Variants in SIK3 observed in about 807,000 individuals in gnomAD.
The protein encoded by SIK3 is SIK family kinase 3.
In SIK3, 28 loss-of-function variants were observed where a neutral mutation model predicts 144.2. That is an observed-to-expected ratio of 0.19 (90% CI 0.14 to 0.27). The LOEUF (loss-of-function observed/expected upper bound fraction) is 0.27, where lower values mean the gene tolerates loss of function less well. Among genes scored for constraint, SIK3 ranks in the 10% least tolerant of loss-of-function variants. SIK3 has a pLI of 1.00. For missense variants in SIK3, 1,319 were observed against 1,776.0 expected (o/e 0.74, Z 4.62); for synonymous variants, 686 against 676.3 (o/e 1.01, Z -0.22).
chr11:116,975,598 T>C (rs79857455), intron 1 of SIK3, among the ~76,000 whole-genome samples: 4,322 of 152,322 alleles, frequency 0.028, 188 homozygotes, highest in African/African-American at 0.099. Context: ...TAATTTTAAT[T>C]ATCCATTCTT....
intron 1 of SIK3, among the ~76,000 whole-genome samples, chr11:117,048,643 C>T (rs779795858): frequency 1.7e-4 from 26 of 151,488 alleles, no homozygotes; most frequent in African/African-American, 4.6e-4. Flanking sequence ...GCAATAAGAG[C>T]GAAACTCCGT....
At chr11:116,979,868 A>G (rs550827747) in intron 1 of SIK3, among the ~76,000 whole-genome samples, 28 of 150,830 alleles carry the variant, frequency 1.9e-4, no homozygotes, top group African/African-American at 6.8e-4. Flanking sequence ...GAAAAAAAAG[A>G]GAGAGAGAGA....
intron 1 of SIK3, among the ~76,000 whole-genome samples, chr11:116,987,492 C>T (rs969667939): frequency 6.6e-6 from 1 of 152,090 alleles, no homozygotes; most frequent in African/African-American, 2.4e-5. Flanking sequence ...AGTATTCTGA[C>T]ATCAGTAAAC....
chr11:117,051,655 A>T (rs556412672), intron 1 of SIK3, among the ~76,000 whole-genome samples: 2 of 151,900 alleles, frequency 1.3e-5, no homozygotes, highest in East Asian at 3.9e-4. Context: ...AGCCTTCCAA[A>T]TAGCTGGGAT....
chr11:117,043,562 G>T (rs1430328268), intron 1 of SIK3, among the ~76,000 whole-genome samples: 1 of 152,136 alleles, frequency 6.6e-6, no homozygotes, highest in African/African-American at 2.4e-5. Flanking sequence ...TCCAAAAAAT[G>T]CCTGAACTCT....
At chr11:116,965,411 G>C (rs1220582654) in intron 1 of SIK3, among the ~76,000 whole-genome samples, 4 of 151,804 alleles carry the variant, frequency 2.6e-5, no homozygotes, top group African/African-American at 9.7e-5. Context: ...GGAAAAGAGA[G>C]TTGACAATAA....
chr11:116,962,522 G>A (rs1213702488), intron 1 of SIK3, among the ~76,000 whole-genome samples: 1 of 152,174 alleles, frequency 6.6e-6, no homozygotes, highest in Non-Finnish European at 1.5e-5. Flanking sequence ...AATTTAGGCA[G>A]ATATCAAACA....
chr11:117,072,166 TC>T (rs1252667527), intron 1 of SIK3, among the ~76,000 whole-genome samples: 1 of 152,082 alleles, frequency 6.6e-6, no homozygotes, highest in African/African-American at 2.4e-5. Flanking sequence ...GGTGGGCAGA[TC>T]ACCAGAGGTC....
intron 8 of SIK3, 67 bp downstream of exon 8, chr11:116,876,185 GA>G: frequency 1.3e-6 from 2 of 1,526,412 alleles, no homozygotes; most frequent in African/African-American, 1.4e-5. Flanking sequence ...CCGAGAAGGC[GA>G]AAAATGGAAA....
intron 11 of SIK3, among the ~76,000 whole-genome samples, chr11:116,874,291 A>G (rs1014908766): frequency 1.3e-5 from 2 of 152,192 alleles, no homozygotes; most frequent in African/African-American, 4.8e-5. Flanking sequence ...CATTCATGTA[A>G]AACCAACAGC....
At chr11:116,995,986 A>G (rs1451424030) in intron 1 of SIK3, among the ~76,000 whole-genome samples, 1 of 151,970 alleles carries the variant, frequency 6.6e-6, no homozygotes, top group African/African-American at 2.4e-5. Flanking sequence ...CTTCATCTTA[A>G]TTAATTAATT....
intron 1 of SIK3, among the ~76,000 whole-genome samples, chr11:117,029,730 A>G (rs925131400): frequency 2.0e-5 from 3 of 152,108 alleles, no homozygotes; most frequent in Non-Finnish European, 1.5e-5. Flanking sequence ...CTACCACTGG[A>G]TGGGTCATAC....
At position 116,859,267 on chromosome 11, in the gene SIK3, G is replaced by A. The variant is rs1943169479; in HGVS notation, c.2763C>T (p.His921=). The A allele has an allele frequency of 6.2e-7, 1 of 1,600,750 alleles. No individual in the cohort carries two copies. Among genetic ancestry groups the A allele is most frequent in the East Asian group, 2.2e-5 (1 of 44,572 alleles). ...TGGGTGACGTTAGGCGGTCTTACCT[G>A]TGAGCCTCTGCACTGTCAGCACTCA... ...KQLSADSAEA[H]SLNVNRFSPA... The change falls in exon 20 of 25, where the codon CAC becomes CAT. Residue 921 remains histidine (H), a splice_region_variant and synonymous_variant. Transcript: ENST00000445177.
intron 1 of SIK3, among the ~76,000 whole-genome samples, chr11:117,026,808 T>TCATCAATCTA (rs1952029554): frequency 6.6e-6 from 1 of 152,168 alleles, no homozygotes; most frequent in Non-Finnish European, 1.5e-5. Flanking sequence ...GCTGTCCCTT[T>TCATCAATCTA]CATCAATCTA....
In SIK3 at chr11:116,857,979, T is replaced by G; in HGVS notation, c.3486A>C (p.Ser1162=). The G allele has an allele frequency of 6.2e-7, 1 of 1,614,224 alleles. No individual in the cohort carries two copies. The highest frequency in any genetic ancestry group is 1.6e-4 in the Middle Eastern group (1 of 6,062). Residue 1162 remains serine, a synonymous_variant, in exon 21 of 25, where the codon TCA becomes TCC. Transcript: ENST00000445177. Reference sequence around the variant, plus strand: ...CATGGCAACCTTTGGTCAATGTACTTGAACTCTTACTGTCTTGGAAGCCAT... The same window carrying G: ...CATGGCAACCTTTGGTCAATGTACTGGAACTCTTACTGTCTTGGAAGCCAT... ...AKDGFQDSKS[S]STLTKGCHDS...
chr11:116,929,075 A>T (rs938373435), intron 3 of SIK3, among the ~76,000 whole-genome samples: 1 of 152,196 alleles, frequency 6.6e-6, no homozygotes, highest in Non-Finnish European at 1.5e-5. Flanking sequence ...TTTAAACAAC[A>T]CGAAGTCCAA....
chr11:117,072,109 C>T (rs1298485930), intron 1 of SIK3, among the ~76,000 whole-genome samples: 1 of 152,082 alleles, frequency 6.6e-6, no homozygotes, highest in Admixed American at 6.6e-5. Context: ...TATCCACAGC[C>T]AGGCGTGGTG....
intron 1 of SIK3, among the ~76,000 whole-genome samples, chr11:117,064,802 C>T (rs1430196599): frequency 6.6e-6 from 1 of 152,164 alleles, no homozygotes; most frequent in Non-Finnish European, 1.5e-5. Flanking sequence ...CTGCACTTGA[C>T]TTTTAATTGC....
intron 3 of SIK3, among the ~76,000 whole-genome samples, chr11:116,929,234 T>A (rs527921415): frequency 1.1e-4 from 16 of 152,354 alleles, no homozygotes; most frequent in African/African-American, 3.6e-4. Context: ...TCTAATAATA[T>A]GTTTTAGTTG....
Sources: gnomAD v4.1 joint callset for allele counts (sites outside exome capture counted in the v4.1 genomes callset) on GRCh38, gnomAD v4.1.1 for gene constraint, MANE v1.5 for transcripts, NCBI Gene and HGNC (gene_info 2026-07-23, HGNC 2026-07-21) for gene names.